The following CHRNA3 variants were observed in gnomAD, a reference collection of about 807,000 sequenced individuals.
CHRNA3 encodes cholinergic receptor nicotinic alpha 3 subunit, also known as neuronal acetylcholine receptor subunit alpha-3.
A neutral mutation model predicts 41.9 loss-of-function variants in CHRNA3; 34 were observed. That is an observed-to-expected ratio of 0.81 (90% confidence interval 0.62 to 1.08). The LOEUF (loss-of-function observed/expected upper bound fraction) is 1.08, where lower values mean the gene tolerates loss of function less well. Among genes scored for constraint, CHRNA3 ranks in the 50% least tolerant of loss-of-function variants. The pLI is 0.00. For missense variants in CHRNA3, 542 were observed against 638.3 expected, an observed-to-expected ratio of 0.85 and a Z score of 1.63; for synonymous variants, 281 against 265.2, an observed-to-expected ratio of 1.06 and a Z score of -0.58.
rs1397827381 is a variant in CHRNA3, at chr15:78,595,771, C to T, written c.*833G>A. The T allele has an allele frequency of 6.6e-6, 1 of 152,350 alleles. No individual in the cohort carries two copies. Among genetic ancestry groups the T allele is most frequent in the Non-Finnish European group, 1.5e-5 (1 of 68,258 alleles). 9.4% of individuals were successfully genotyped at this position (152,350 alleles called of 1,614,324 possible). On this transcript the variant is annotated 3_prime_UTR_variant, in exon 6 of 6. Coordinates refer to ENST00000326828, the MANE Select transcript of CHRNA3 (RefSeq NM_000743.5). ...TGATTGTCTTAGATAGAAGGTGGGG[C>T]CTTGGAAAGGTGATTAGGCCATGGG... is the stretch of plus-strand genomic sequence containing the variant.
chr15:78,598,609 C>T (rs562537280), intron 5 of CHRNA3, among the ~76,000 whole-genome samples: 130 of 152,120 alleles, frequency 8.5e-4, no homozygotes, highest in Non-Finnish European at 1.6e-3. Context: ...GGCATGACCT[C>T]GCCTCACTGC....
chr15:78,594,940 TCAC>T (rs1313229820), downstream of CHRNA3: 3 of 152,316 alleles, frequency 2.0e-5, no homozygotes, highest in Non-Finnish European at 4.4e-5. Context: ...TCTCTAAATG[TCAC>T]CACTTCAGGT....
At chr15:78,605,838 A>G (rs1476845841) in intron 4 of CHRNA3, among the ~76,000 whole-genome samples, 1 of 152,152 alleles carries the variant, frequency 6.6e-6, no homozygotes, top group Non-Finnish European at 1.5e-5. Flanking sequence ...TGGAGATGCC[A>G]TGACTGTGCG....
chr15:78,610,298 A>G lies in CHRNA3; in HGVS notation c.377+6726T>C, dbSNP rs542702661. On this transcript the variant is annotated intron_variant, in intron 4 of 5. Coordinates refer to ENST00000326828, the MANE Select transcript of CHRNA3 (RefSeq NM_000743.5). ...TTTTTTTCAGCACCACACCACACCT[A>G]TTCCAAAATTGACCACATAGTTGGA... is the stretch of plus-strand genomic sequence containing the variant. Among the ~76,000 whole-genome samples, 4 of 152,350 alleles carry G rather than the reference A, an allele frequency of 2.6e-5. No homozygotes were observed. In the East Asian group the frequency reaches 5.8e-4, roughly 22 times the overall value.
intron 5 of CHRNA3, 112 bp downstream of exon 5, chr15:78,601,141 T>G: frequency 2.9e-6 from 3 of 1,034,062 alleles, no homozygotes; most frequent in Non-Finnish European, 4.3e-6. Context: ...CACAGGCCAC[T>G]GACTCCAGAG....
At chr15:78,600,832 C>A (rs1395314010) in intron 5 of CHRNA3, among the ~76,000 whole-genome samples, 2 of 152,098 alleles carry the variant, frequency 1.3e-5, no homozygotes, top group African/African-American at 4.8e-5. Context: ...TGCGCCACTG[C>A]ACTCCAGCCT....
chr15:78,595,516 G>T lies in CHRNA3; in HGVS notation c.*1088C>A, dbSNP rs2053091148. 1 of 530,946 alleles carries T rather than the reference G, an allele frequency of 1.9e-6. No individual in the cohort carries two copies. The highest frequency in any genetic ancestry group is 2.4e-6 in the Non-Finnish European group (1 of 415,168). 32.9% of individuals were successfully genotyped at this position (530,946 alleles called of 1,614,324 possible). ...ACATTTAACAATGGAGACATTCTTG[G>T]TTATCATAACTGGTGAAGAAGCAAG... On this transcript the variant is annotated 3_prime_UTR_variant, in exon 6 of 6. Transcript: ENST00000326828.
chr15:78,619,786 G>A (rs975686335), intron 1 of CHRNA3: 1 of 152,214 alleles, frequency 6.6e-6, no homozygotes, highest in Non-Finnish European at 1.5e-5. Flanking sequence ...GGCAGCTTGG[G>A]GAAGCGGGAG....
chr15:78,596,037 T>C lies in CHRNA3; in HGVS notation c.*567A>G, dbSNP rs201135151. 102 of 976,516 alleles carry C rather than the reference T, an allele frequency of 1.0e-4. No homozygotes were observed. Among genetic ancestry groups the C allele is most frequent in the Non-Finnish European group, 1.2e-4 (102 of 822,164 alleles). 60.5% of individuals were successfully genotyped at this position (976,516 alleles called of 1,614,324 possible). A position where few individuals can be genotyped will look rare whatever the true frequency, so the allele number is the denominator to read the frequency against. On this transcript the variant is annotated 3_prime_UTR_variant, in exon 6 of 6. Transcript: ENST00000326828. ...CTAAGACAGTTATATTAACAATGAATAACTAGGCATGATTTCTCATGGTAT... is the reference window on the plus strand; with the variant it reads ...CTAAGACAGTTATATTAACAATGAACAACTAGGCATGATTTCTCATGGTAT...
chr15:78,600,996 G>C (rs2053188487), intron 5 of CHRNA3, among the ~76,000 whole-genome samples: 1 of 152,120 alleles, frequency 6.6e-6, no homozygotes, highest in South Asian at 2.1e-4. Flanking sequence ...TCATGGTCCA[G>C]CCTGCCAGCC....
At position 78,618,850 on chromosome 15, in the gene CHRNA3, T is replaced by C; in HGVS notation, c.148A>G (p.Ile50Val). ...ERLFEDYNEI[I>V]RPVANVSDPV... ...TCAGACACGTTGGCTACAGGCCGGA[T>C]GATCTCATTGTAATCTTCAAACAGC... Residue 50 changes from isoleucine (I) to valine (V), a missense_variant, in exon 2 of 6, where the codon ATC becomes GTC. Coordinates refer to ENST00000326828, the MANE Select transcript of CHRNA3 (RefSeq NM_000743.5). 6.2e-7 allele frequency: 1 copy of C among 1,614,076 alleles called. No individual in the cohort carries two copies. The highest frequency in any genetic ancestry group is 8.5e-7 in the Non-Finnish European group (1 of 1,180,010).
At position 78,602,212 on chromosome 15, in the gene CHRNA3, T is replaced by C. The variant is rs766268680; in HGVS notation, c.430A>G (p.Thr144Ala). 1 of 1,614,100 alleles carries C rather than the reference T, an allele frequency of 6.2e-7. No individual in the cohort carries two copies. The highest frequency in any genetic ancestry group is 8.5e-7 in the Non-Finnish European group (1 of 1,180,018). The change falls in exon 5 of 6, where the codon ACT becomes GCT. Residue 144 changes from threonine to alanine, a missense_variant. Transcript: ENST00000326828. Reference protein sequence around the residue: ...DDKTKALLKYTGEVTWIPPAI... With the variant: ...DDKTKALLKYAGEVTWIPPAI... ...GGAGGTATCCAAGTCACCTCCCCAG[T>C]GTACTTGAGTAAGGCTTTGGTCTTG...
chr15:78,596,568 C>A lies in CHRNA3; in HGVS notation c.*36G>T. ...GAAGCAGCCTCCTCCTGCCCTGACA[C>A]AAGGAAGTCTCCCAGGCAGGCACAC... On this transcript the variant is annotated 3_prime_UTR_variant, in exon 6 of 6. Coordinates refer to ENST00000326828, the MANE Select transcript of CHRNA3 (RefSeq NM_000743.5). 1 of 1,492,224 alleles carries A rather than the reference C, an allele frequency of 6.7e-7. No individual in the cohort carries two copies. The highest frequency in any genetic ancestry group is 8.9e-7 in the Non-Finnish European group (1 of 1,122,042). 92.4% of individuals were successfully genotyped at this position (1,492,224 alleles called of 1,614,324 possible). A position where few individuals can be genotyped will look rare whatever the true frequency, so the allele number is the denominator to read the frequency against.
intron 5 of CHRNA3, among the ~76,000 whole-genome samples, chr15:78,600,284 A>G (rs2053177793): frequency 6.6e-6 from 1 of 152,086 alleles, no homozygotes; most frequent in African/African-American, 2.4e-5. Flanking sequence ...TATGTTTCCC[A>G]GGCTGGTCTC....
At chr15:78,616,885 T>TTACA in intron 4 of CHRNA3, 139 bp downstream of exon 4, 1 of 604,828 alleles carries the variant, frequency 1.7e-6, no homozygotes, top group Non-Finnish European at 2.9e-6. Flanking sequence ...TAGTTGCTGA[T>TTACA]TACATACCTA....
Position 78,601,949 on chromosome 15 carries a change from G to C in CHRNA3, c.693C>G (p.Ile231Met), listed in dbSNP as rs1279304143. ...YNCCEEIYPD[I>M]TYSLYIRRLP... The stretch of plus-strand genomic sequence containing the variant: ...GGCGCCGGATGTACAGCGAGTATGT[G>C]ATGTCGGGGTAGATCTCCTCGCAGC... Residue 231 changes from isoleucine (I) to methionine (M), a missense_variant, in exon 5 of 6, where the codon ATC becomes ATG. By Grantham distance (10) the Ile-to-Met change is conservative. Transcript: ENST00000326828. 1 of 1,613,682 alleles carries C rather than the reference G, an allele frequency of 6.2e-7. No homozygotes were observed. The highest frequency in any genetic ancestry group is 8.5e-7 in the Non-Finnish European group (1 of 1,179,650).
Position 78,601,757 on chromosome 15 carries a change from A to G in CHRNA3, c.885T>C (p.Pro295=). The G allele has an allele frequency of 6.2e-7, 1 of 1,614,120 alleles. No homozygotes were observed. The change falls in exon 5 of 6, where the codon CCT becomes CCC. Residue 295 remains proline (P), a synonymous_variant. Transcript: ENST00000326828. The part of the protein sequence containing the change: ...VFLLVITETI[P]STSLVIPLIG... ...TCAGGGGGATGACCAGCGAGGTGGA[A>G]GGGATGGTCTCAGTGATCACCAGGA...
rs1177498639 is a variant in CHRNA3, at chr15:78,620,704, T to C, written c.82+9A>G. On this transcript the variant is annotated intron_variant, in intron 1 of 5. Coordinates refer to ENST00000326828, the MANE Select transcript of CHRNA3 (RefSeq NM_000743.5). ...CGTCCCTCCGGAGCCCTAACGCCTG[T>C]GCGCGTACCTGGCAGCAGAGACAGC... The C allele has an allele frequency of 5.3e-6, 8 of 1,502,998 alleles. No individual in the cohort carries two copies. The Admixed American group carries it at 1.6e-4, about 31-fold the overall frequency. The allele number at this position is 1,502,998 out of a possible 1,614,324, so 93.1% of individuals were successfully genotyped here.
chr15:78,604,650 G>C (rs1232123270), intron 4 of CHRNA3, among the ~76,000 whole-genome samples: 3 of 152,124 alleles, frequency 2.0e-5, no homozygotes, highest in Non-Finnish European at 1.5e-5. Context: ...GCTGGAGACT[G>C]GGGTCTGGCA....
Sources: allele counts gnomAD v4.1 joint callset (sites outside exome capture counted in the v4.1 genomes callset), GRCh38; gene constraint gnomAD v4.1.1; transcripts MANE v1.5; gene names NCBI Gene and HGNC (gene_info 2026-07-23, HGNC 2026-07-21).